The following DYNC2H1 variants were observed in gnomAD, a reference collection of about 807,000 sequenced individuals.
DYNC2H1 encodes the protein dynein cytoplasmic 2 heavy chain 1.
In DYNC2H1, 410 loss-of-function variants were observed where a neutral mutation model predicts 570.0. That is an observed-to-expected ratio of 0.72 (90% CI 0.66 to 0.78). The LOEUF (loss-of-function observed/expected upper bound fraction) is 0.78, where lower values mean the gene tolerates loss of function less well. DYNC2H1 is among the 30% of genes least tolerant of loss of function. DYNC2H1 has a pLI of 0.00. For synonymous variants in DYNC2H1, 1,688 were observed against 1,677.6 expected (o/e 1.01, Z -0.15); for missense variants, 4,865 against 5,046.4 (o/e 0.96, Z 1.09).
intron 17 of DYNC2H1, among the ~76,000 whole-genome samples, chr11:103,136,883 A>C (rs964293285): frequency 5.3e-5 from 8 of 151,912 alleles, no homozygotes; most frequent in African/African-American, 1.4e-4. Flanking sequence ...CCTCTCCAGC[A>C]CCTGTTGTTT....
intron 70 of DYNC2H1, among the ~76,000 whole-genome samples, chr11:103,278,647 A>G (rs908535203): frequency 7.2e-5 from 11 of 151,898 alleles, no homozygotes; most frequent in East Asian, 1.9e-4. Context: ...GCTCACTGCA[A>G]TCTCCGCCTC....
intron 17 of DYNC2H1, among the ~76,000 whole-genome samples, chr11:103,142,594 G>T (rs1025664768): frequency 1.3e-5 from 2 of 152,100 alleles, no homozygotes; most frequent in Non-Finnish European, 2.9e-5. Context: ...ATTTAAACCA[G>T]GGAGATGGAG....
chr11:103,321,168 A>G lies in DYNC2H1; in HGVS notation c.11865A>G (p.Val3955=), dbSNP rs762685114. 1 of 1,612,148 alleles carries G rather than the reference A, an allele frequency of 6.2e-7. No individual in the cohort carries two copies. Among genetic ancestry groups the G allele is most frequent in the African/African-American group, 1.3e-5 (1 of 75,018 alleles). ...TTTTTAATTCTTCAGTTATTGATGT[A>G]TTCAACCAAAGGAACAAGAAAAGCA... The part of the protein sequence containing the change: ...KQFFNSSVID[V]FNQRNKKSIF... Residue 3955 remains valine, a synonymous_variant, in exon 81 of 89, where the codon GTA becomes GTG. Coordinates refer to ENST00000375735, the MANE Select transcript of DYNC2H1 (RefSeq NM_001377.3).
chr11:103,129,476 G>A lies in DYNC2H1; in HGVS notation c.1953+471G>A, dbSNP rs1172216330. On this transcript the variant is annotated intron_variant, in intron 13 of 88. Coordinates refer to ENST00000375735, the MANE Select transcript of DYNC2H1 (RefSeq NM_001377.3). This position sits in a 1 kb window ranked among gnomAD's most constrained non-coding sequence, Gnocchi z 4.1. Reference sequence around the variant, plus strand: ...GCGGGTGGATCACCTGACATCAGGGGTTTGAGACCAGCCTGGCCAACATGG... The same window carrying A: ...GCGGGTGGATCACCTGACATCAGGGATTTGAGACCAGCCTGGCCAACATGG... 6.6e-6 allele frequency among the ~76,000 whole-genome samples: 1 copy of A among 152,166 alleles called. No individual in the cohort carries two copies. The highest frequency in any genetic ancestry group is 2.4e-5 in the African/African-American group (1 of 41,440).
At chr11:103,457,342 A>C (rs1421808153) in intron 87 of DYNC2H1, among the ~76,000 whole-genome samples, 1 of 152,162 alleles carries the variant, frequency 6.6e-6, no homozygotes, top group Non-Finnish European at 1.5e-5. Context: ...CAGGTCCTTC[A>C]GGAGGTATAC....
In DYNC2H1 at chr11:103,275,115, TA is replaced by T. The variant is rs1316276262; in HGVS notation, c.10696-5229del. ...TCTCAAAAATAAATAAATAAATAAA[TA>T]AAATAAAATTTATCTATGTAATATT... On this transcript the variant is annotated intron_variant, in intron 70 of 88. Coordinates refer to ENST00000375735, the MANE Select transcript of DYNC2H1 (RefSeq NM_001377.3). This position sits in a 1 kb window ranked among gnomAD's most constrained non-coding sequence, Gnocchi z 4.8. Among the ~76,000 whole-genome samples, 7 of 151,650 alleles carry T rather than the reference TA, an allele frequency of 4.6e-5. No individual in the cohort carries two copies. The highest frequency in any genetic ancestry group is 7.4e-5 in the Non-Finnish European group (5 of 67,990).
chr11:103,397,311 T>TAAA (rs545875421), intron 83 of DYNC2H1, among the ~76,000 whole-genome samples: 7 of 150,444 alleles, frequency 4.7e-5, no homozygotes, highest in African/African-American at 1.7e-4. Flanking sequence ...ATTTACTCAA[T>TAAA]AAAAAAAAAA....
chr11:103,283,128 A>G (rs57732494), intron 73 of DYNC2H1, 43 bp downstream of exon 73: 3 of 1,487,666 alleles, frequency 2.0e-6, no homozygotes, highest in Non-Finnish European at 2.8e-6. Context: ...TTTCTTCTGT[A>G]TTTGCATTGT....
intron 4 of DYNC2H1, 93 bp from the exon 5 acceptor site, chr11:103,116,477 G>T: frequency 1.1e-6 from 1 of 896,040 alleles, no homozygotes. Context: ...AAATATTAGA[G>T]TTGTGGCAGT....
Position 103,122,953 on chromosome 11 carries a change from G to C in DYNC2H1, c.1614G>C (p.Trp538Cys), listed in dbSNP as rs1858795121. The change falls in exon 11 of 89, where the codon TGG (tryptophan) becomes TGC (cysteine). Residue 538 changes from tryptophan to cysteine, a missense_variant. Trp to Cys is a radical substitution (Grantham distance 215). Transcript: ENST00000375735. ...KLYEQEQFDDWSRDIQSGLSD... is the reference protein window; with the variant it reads ...KLYEQEQFDDCSRDIQSGLSD... ...ATGAACAGGAACAATTTGATGATTG[G>C]TCCAGGGATATTCAATCAGGTTTAT... 3 of 1,596,402 alleles carry C rather than the reference G, an allele frequency of 1.9e-6. No individual in the cohort carries two copies. Among genetic ancestry groups the C allele is most frequent in the African/African-American group, 2.7e-5 (2 of 74,658 alleles).
intron 26 of DYNC2H1, 22 bp downstream of exon 26, chr11:103,156,792 A>G (rs776451067): frequency 1.9e-6 from 3 of 1,580,722 alleles, no homozygotes; most frequent in Non-Finnish European, 2.6e-6. Context: ...GATGTAAGAC[A>G]TAGACACATA....
intron 70 of DYNC2H1, among the ~76,000 whole-genome samples, chr11:103,260,702 C>T (rs562015363): frequency 6.7e-6 from 1 of 150,192 alleles, no homozygotes. Context: ...TCACTGCAAG[C>T]TCTGCCTCCT....
chr11:103,266,195 G>C (rs1865498012), intron 70 of DYNC2H1, among the ~76,000 whole-genome samples: 1 of 152,208 alleles, frequency 6.6e-6, no homozygotes, highest in African/African-American at 2.4e-5. Context: ...GCAAGTGCCA[G>C]CAGCAGTGGT....
Position 103,135,913 on chromosome 11 carries a change from T to C in DYNC2H1, c.2539T>C (p.Phe847Leu), listed in dbSNP as rs1463009726. ...GATTTTCAGCAAAGCAGAAGATCTG[T>C]TTAGAAGATTGTCAGCTGTTTTACA... ...LTIFSKAEDL[F>L]RRLSAVLHQH... Residue 847 changes from phenylalanine to leucine, a missense_variant, in exon 17 of 89, where the codon TTT becomes CTT. Physicochemically the swap from Phe to Leu is conservative, Grantham distance 22. Transcript: ENST00000375735. 6.2e-7 allele frequency: 1 copy of C among 1,610,624 alleles called. No homozygotes were observed. Among genetic ancestry groups the C allele is most frequent in the African/African-American group, 1.3e-5 (1 of 74,850 alleles).
At position 103,479,095 on chromosome 11, in the gene DYNC2H1, G is replaced by C. The variant is rs772516163; in HGVS notation, c.12766G>C (p.Asp4256His). Reference protein sequence around the residue: ...LPCFMGWIPQDACGPYSPDEC... With the variant: ...LPCFMGWIPQHACGPYSPDEC... The stretch of plus-strand genomic sequence containing the variant: ...TTAAAACAAGTTATTTTTTAAACAG[G>C]ATGCATGTGGTCCATATTCTCCGGA... Residue 4256 changes from aspartate to histidine, a missense_variant and splice_region_variant, in exon 89 of 89, where the codon GAT (aspartate) becomes CAT (histidine). By Grantham distance (81) the Asp-to-His change is moderately conservative. This residue lies in a region of DYNC2H1 where 2,401 missense variants were observed against 2,454.6 expected (regional missense o/e 0.98). Coordinates refer to ENST00000375735, the MANE Select transcript of DYNC2H1 (RefSeq NM_001377.3). The C allele has an allele frequency of 5.6e-6, 9 of 1,613,552 alleles. No individual in the cohort carries two copies. In the Middle Eastern group the frequency reaches 8.3e-4, roughly 148 times the overall value.
Position 103,249,597 on chromosome 11 carries a change from A to T in DYNC2H1, c.10043-3688A>T, listed in dbSNP as rs1383660631. Among the ~76,000 whole-genome samples the T allele has an allele frequency of 6.6e-6, 1 of 152,052 alleles. No individual in the cohort carries two copies. The highest frequency in any genetic ancestry group is 1.5e-5 in the Non-Finnish European group (1 of 67,964). On this transcript the variant is annotated intron_variant, in intron 65 of 88. Transcript: ENST00000375735. The surrounding 1 kb of genome is among the most constrained non-coding windows in gnomAD (Gnocchi z 4.6). The stretch of plus-strand genomic sequence containing the variant: ...TGTACTTTGAGTAAATGAGAAAGAA[A>T]AAAAGCAGCACCTGACTACTCTAGA...
chr11:103,436,173 G>A, intron 85 of DYNC2H1, 141 bp downstream of exon 85: 1 of 628,082 alleles, frequency 1.6e-6, no homozygotes, highest in Middle Eastern at 3.0e-4. Context: ...TCTGCCATTT[G>A]TTATTTTTGT....
rs1371890312 is a variant in DYNC2H1 at position 103,191,982 on chromosome 11, T to A, written c.7541-115T>A. On this transcript the variant is annotated intron_variant, in intron 46 of 88. Transcript: ENST00000375735. ...TTAACTTTTTTTCCTTTCTTCCATT[T>A]ATCTGATGCCAAAATTATGGTATGT... The A allele has an allele frequency of 4.9e-6, 4 of 810,914 alleles. No individual in the cohort carries two copies. In the African/African-American group the frequency reaches 5.3e-5, roughly 11 times the overall value. 50.2% of individuals were successfully genotyped at this position (810,914 alleles called of 1,614,324 possible).
At chr11:103,230,452 G>A (rs1863962269) in intron 59 of DYNC2H1, among the ~76,000 whole-genome samples, 2 of 152,134 alleles carry the variant, frequency 1.3e-5, no homozygotes, top group Admixed American at 6.6e-5. Context: ...TTTCACCTAG[G>A]ATGTGTGCAT....
Sources: allele counts gnomAD v4.1 joint callset (sites outside exome capture counted in the v4.1 genomes callset), GRCh38; gene constraint gnomAD v4.1.1; regional missense constraint gnomAD v4.1.1; non-coding constraint Gnocchi (gnomAD v3.1); transcripts MANE v1.5; gene names NCBI Gene and HGNC (gene_info 2026-07-23, HGNC 2026-07-21).